MED24: variants seen among roughly 807,000 people sequenced by gnomAD.
The protein encoded by MED24 is mediator of RNA polymerase II transcription subunit 24.
In MED24, 74 loss-of-function variants were observed where a neutral mutation model predicts 118.8. That is an observed-to-expected ratio of 0.62 (90% confidence interval 0.52 to 0.76). The LOEUF (loss-of-function observed/expected upper bound fraction) is 0.76. Among genes scored for constraint, MED24 ranks in the 30% least tolerant of loss-of-function variants. MED24 has a pLI of 0.00. For synonymous variants in MED24, 521 were observed against 523.9 expected (o/e 0.99, Z 0.08); for missense variants, 1,041 against 1,278.9 (o/e 0.81, Z 2.84).
chr17:40,026,787 C>T lies in MED24; in HGVS notation c.1710-41G>A, dbSNP rs766238553. The T allele has an allele frequency of 1.2e-5, 19 of 1,610,988 alleles. No individual in the cohort carries two copies. The Admixed American group carries it at 1.5e-4, about 13-fold the overall frequency. On this transcript the variant is annotated intron_variant, in intron 17 of 25. Transcript: ENST00000394128. ...GAAGTCAGCACAGGGGAGCAAGGAA[C>T]GGGCTCAGGGAGCGGGTCTTGACCC...
intron 22 of MED24, 45 bp from the exon 23 acceptor site, chr17:40,022,099 GT>G (rs1199286374): frequency 2.1e-6 from 3 of 1,413,436 alleles, no homozygotes; most frequent in African/African-American, 1.4e-5. Flanking sequence ...AAACCCCCCA[GT>G]TTCCAGCTGT....
chr17:40,029,533 G>A (rs1983123440), intron 13 of MED24, among the ~76,000 whole-genome samples: 1 of 152,206 alleles, frequency 6.6e-6, no homozygotes, highest in Non-Finnish European at 1.5e-5. Context: ...CTAAGTGAAA[G>A]CGCCTACTGC....
chr17:40,020,185 T>A (rs1981791016), intron 24 of MED24, 88 bp downstream of exon 24: 1 of 1,323,074 alleles, frequency 7.6e-7, no homozygotes, highest in South Asian at 1.5e-5. Flanking sequence ...GCAAGGCCCC[T>A]TCCAGCTGAC....
chr17:40,027,464 G>C lies in MED24; in HGVS notation c.1449C>G (p.Thr483=). 3 of 1,610,128 alleles carry C rather than the reference G, an allele frequency of 1.9e-6. No individual in the cohort carries two copies. In the South Asian group the frequency reaches 3.3e-5, roughly 18 times the overall value. Residue 483 remains threonine (T), a splice_region_variant and synonymous_variant, in exon 16 of 26, where the codon ACC becomes ACG. Transcript: ENST00000394128. The part of the protein sequence containing the change: ...EFTTYGSEES[T]KPASVRALLF... ...GCAGGGCCCGGACGGAGGCCGGTTT[G>C]GCTGTGGAAGGACGGGAAGGCTGAG...
At chr17:40,020,870 C>T (rs1031781221) in intron 23 of MED24, among the ~76,000 whole-genome samples, 1 of 151,942 alleles carries the variant, frequency 6.6e-6, no homozygotes. Flanking sequence ...TTCAGGAGTT[C>T]GAGACCAGCC....
intron 3 of MED24, among the ~76,000 whole-genome samples, chr17:40,052,247 C>A (rs1228777522): frequency 6.6e-6 from 1 of 152,148 alleles, no homozygotes; most frequent in Non-Finnish European, 1.5e-5. Flanking sequence ...GAGCCGAGGT[C>A]ACGCCACTGC....
At chr17:40,050,169 A>C (rs978767882) in intron 3 of MED24, among the ~76,000 whole-genome samples, 1 of 145,138 alleles carries the variant, frequency 6.9e-6, no homozygotes, top group Admixed American at 7.0e-5. Context: ...AAAAAAAAAA[A>C]AGAGAGATAC....
chr17:40,023,049 G>C, intron 20 of MED24, 82 bp downstream of exon 20: 2 of 1,531,276 alleles, frequency 1.3e-6, no homozygotes, highest in Non-Finnish European at 1.8e-6. Flanking sequence ...CAGCCTCTCA[G>C]GGAAGCCTGG....
Position 40,029,737 on chromosome 17 carries a change from G to T in MED24, c.1266+11C>A. On this transcript the variant is annotated intron_variant, in intron 13 of 25. Coordinates refer to ENST00000394128, the MANE Select transcript of MED24 (RefSeq NM_014815.4). ...GAGAAGACTGTGGTGGCCAGGGAAG[G>T]GCACACTCACCTTGAGGATGTTTGT... 6.2e-7 allele frequency: 1 copy of T among 1,611,350 alleles called. No individual in the cohort carries two copies. The highest frequency in any genetic ancestry group is 8.5e-7 in the Non-Finnish European group (1 of 1,177,508).
chr17:40,022,562 G>A, intron 21 of MED24, 78 bp from the exon 22 acceptor site: 1 of 1,598,964 alleles, frequency 6.3e-7, no homozygotes, highest in Non-Finnish European at 8.5e-7. Context: ...GCTCCCCAAA[G>A]CCCAGTCTCC....
chr17:40,040,792 T>C (rs1033667850), intron 3 of MED24, among the ~76,000 whole-genome samples: 1 of 151,972 alleles, frequency 6.6e-6, no homozygotes, highest in Admixed American at 6.6e-5. Context: ...CTTATTTTTG[T>C]ATTAGTAGAG....
intron 12 of MED24, among the ~76,000 whole-genome samples, chr17:40,030,668 T>TTATTTA (rs72103985): frequency 1.3e-5 from 2 of 150,664 alleles, no homozygotes; most frequent in African/African-American, 4.9e-5. Flanking sequence ...ATTTATTTAT[T>TTATTTA]TTTTTTTTGA....
chr17:40,038,690 A>G (rs1459260853), intron 3 of MED24, among the ~76,000 whole-genome samples: 2 of 150,728 alleles, frequency 1.3e-5, no homozygotes, highest in Non-Finnish European at 3.0e-5. Flanking sequence ...CAGCCTGATG[A>G]CAGAGCAAGA....
intron 22 of MED24, among the ~76,000 whole-genome samples, 167 bp downstream of exon 22, chr17:40,022,227 C>G (rs1230882284): frequency 6.6e-6 from 1 of 152,238 alleles, no homozygotes; most frequent in Non-Finnish European, 1.5e-5. Context: ...CATGGGCAAG[C>G]TGGGGCCACA....
At chr17:40,049,834 G>A (rs540155805) in intron 3 of MED24, among the ~76,000 whole-genome samples, 21 of 151,534 alleles carry the variant, frequency 1.4e-4, no homozygotes, top group African/African-American at 5.1e-4. Context: ...TTAATTTTTC[G>A]ACTTTATGAT....
intron 3 of MED24, among the ~76,000 whole-genome samples, chr17:40,046,632 G>C (rs935850925): frequency 1.3e-3 from 195 of 149,644 alleles, no homozygotes; most frequent in African/African-American, 4.3e-3. Flanking sequence ...TGTAGTCCCA[G>C]CTACTTGGGA....
At chr17:40,029,112 CCACCCCTG>C in intron 13 of MED24, 144 bp from the exon 14 acceptor site, 1 of 1,121,346 alleles carries the variant, frequency 8.9e-7, no homozygotes, top group Non-Finnish European at 1.3e-6. Flanking sequence ...TTCCTAAAAC[CCACCCCTG>C]CTCTCCGATC....
At chr17:40,034,432 G>C (rs1226040266) in intron 6 of MED24, among the ~76,000 whole-genome samples, 1 of 152,178 alleles carries the variant, frequency 6.6e-6, no homozygotes, top group Non-Finnish European at 1.5e-5. Context: ...TAGCATTCTT[G>C]TTCCTGGAGA....
intron 10 of MED24, 125 bp downstream of exon 10, chr17:40,031,918 G>T: frequency 8.9e-7 from 1 of 1,118,848 alleles, no homozygotes. Flanking sequence ...GCACGTGCAC[G>T]CTGAGGTGTA....
Sources: gnomAD v4.1 joint callset for allele counts (sites outside exome capture counted in the v4.1 genomes callset) on GRCh38, gnomAD v4.1.1 for gene constraint, MANE v1.5 for transcripts, NCBI Gene and HGNC (gene_info 2026-07-23, HGNC 2026-07-21) for gene names.